The following TMC1 variants were observed in gnomAD, a reference collection of about 807,000 sequenced individuals.
TMC1 encodes transmembrane channel-like protein 1.
In TMC1, 84 loss-of-function variants were observed where a neutral mutation model predicts 105.8. The observed-to-expected ratio is 0.79, with a 90% CI of 0.67 to 0.95. The LOEUF (loss-of-function observed/expected upper bound fraction) is 0.95. Ranked by LOEUF, TMC1 falls within the 40% of genes least tolerant of loss-of-function variation. TMC1 has a pLI of 0.00. For missense variants in TMC1, 817 were observed against 914.1 expected (o/e 0.89, Z 1.37); for synonymous variants, 315 against 311.5 (o/e 1.01, Z -0.12).
At chr9:72,655,203 C>T (rs1339410879) in intron 5 of TMC1, among the ~76,000 whole-genome samples, 1 of 152,180 alleles carries the variant, frequency 6.6e-6, no homozygotes, top group East Asian at 1.9e-4. Context: ...GTGCCTGTTT[C>T]CCCTTCACCT....
At chr9:72,630,500 A>G (rs1372562082) in intron 4 of TMC1, among the ~76,000 whole-genome samples, 1 of 152,212 alleles carries the variant, frequency 6.6e-6, no homozygotes, top group East Asian at 1.9e-4. Flanking sequence ...TATTTACTGC[A>G]GGGTTTCTTC....
chr9:72,607,002 T>TATATAGAGAGAGAGAGAGAGAGAGAGAG (rs372785242), intron 2 of TMC1, among the ~76,000 whole-genome samples: 1 of 134,906 alleles, frequency 7.4e-6, no homozygotes, highest in Non-Finnish European at 1.6e-5. Flanking sequence ...TATATATATA[T>TATATAGAGAGAGAGAGAGAGAGAGAGAG]AGAGAGAGAG....
chr9:72,674,817 TC>T (rs1438522129), intron 5 of TMC1, among the ~76,000 whole-genome samples: 28 of 152,132 alleles, frequency 1.8e-4, no homozygotes, highest in African/African-American at 4.8e-4. Flanking sequence ...AAATTGATGG[TC>T]TTTGTCCATG....
intron 2 of TMC1, among the ~76,000 whole-genome samples, chr9:72,580,638 CA>C (rs1445065701): frequency 6.6e-6 from 1 of 152,152 alleles, no homozygotes; most frequent in Non-Finnish European, 1.5e-5. Context: ...AGTTTGGTCA[CA>C]TTTACTTCAT....
chr9:72,542,968 C>T (rs1046157565), intron 1 of TMC1, among the ~76,000 whole-genome samples: 17 of 152,112 alleles, frequency 1.1e-4, no homozygotes, highest in East Asian at 1.9e-4. Flanking sequence ...TATGAGCCAC[C>T]GCACCCAGCT....
chr9:72,806,339 C>G (rs1341884409), intron 18 of TMC1, among the ~76,000 whole-genome samples: 2 of 121,096 alleles, frequency 1.7e-5, no homozygotes, highest in Non-Finnish European at 3.6e-5. Flanking sequence ...GGCGGCTGGC[C>G]GGGTGGGGGG....
chr9:72,729,700 GA>G (rs1380670663), intron 8 of TMC1, among the ~76,000 whole-genome samples: 1 of 152,154 alleles, frequency 6.6e-6, no homozygotes, highest in Non-Finnish European at 1.5e-5. Context: ...GGGGCAGAAA[GA>G]TGTGATACTT....
chr9:72,690,439 A>G (rs1040946829), intron 6 of TMC1, among the ~76,000 whole-genome samples: 1 of 151,980 alleles, frequency 6.6e-6, no homozygotes, highest in South Asian at 2.1e-4. Context: ...TTATATTTTC[A>G]TGTGATTTTG....
At chr9:72,822,346 G>A (rs772257402) in intron 20 of TMC1, among the ~76,000 whole-genome samples, 6 of 152,156 alleles carry the variant, frequency 3.9e-5, no homozygotes, top group Non-Finnish European at 5.9e-5. Context: ...AAAGTCAAAA[G>A]GTTCATTGCT....
At chr9:72,601,385 T>C (rs1021160038) in intron 2 of TMC1, among the ~76,000 whole-genome samples, 10 of 151,978 alleles carry the variant, frequency 6.6e-5, no homozygotes, top group Non-Finnish European at 1.0e-4. Context: ...GGCTCATGCC[T>C]ATAGTCCCAG....
Position 72,721,374 on chromosome 9 carries a change from C to T in TMC1, c.363-18745C>T, listed in dbSNP as rs970007580. On this transcript the variant is annotated intron_variant, in intron 8 of 23. Transcript: ENST00000297784. ...CCTTTGGAAGCTTAGGGCTGTTTTC[C>T]TCTTTGTCCTGTCACTTCTCTACAA... Among the ~76,000 whole-genome samples the T allele has an allele frequency of 2.0e-5, 3 of 152,268 alleles. No individual in the cohort carries two copies. In the East Asian group the frequency reaches 5.8e-4, roughly 29 times the overall value.
chr9:72,724,863 T>C (rs909116050), intron 8 of TMC1, among the ~76,000 whole-genome samples: 2 of 152,204 alleles, frequency 1.3e-5, no homozygotes, highest in Non-Finnish European at 2.9e-5. Flanking sequence ...CTATCCATGA[T>C]GTTTTTTGGA....
At chr9:72,597,175 T>C (rs1824734715) in intron 2 of TMC1, among the ~76,000 whole-genome samples, 1 of 152,190 alleles carries the variant, frequency 6.6e-6, no homozygotes, top group Non-Finnish European at 1.5e-5. Context: ...TAATGCTGGC[T>C]CTTTAGAGAA....
rs1554710174 is a variant in TMC1, at chr9:72,543,952, CTTTT to C, written c.-428+22053_-428+22056del. On this transcript the variant is annotated intron_variant, in intron 1 of 23. Transcript: ENST00000297784. ...AGTTTCTTTTTCTTTTTCTTTCTTT[CTTTT>C]TTTTTTTTTTTTTGAGATGGAGTCT... Among the ~76,000 whole-genome samples, 4 of 134,342 alleles carry C rather than the reference CTTTT, an allele frequency of 3.0e-5. No individual in the cohort carries two copies. In the Admixed American group the frequency reaches 3.1e-4, roughly 10 times the overall value. The allele number at this position is 134,342 out of a possible 152,430, so 88.1% of individuals were successfully genotyped here.
chr9:72,532,625 G>C lies in TMC1; in HGVS notation c.-428+10712G>C, dbSNP rs1447739695. On this transcript the variant is annotated intron_variant, in intron 1 of 23. Coordinates refer to ENST00000297784, the MANE Select transcript of TMC1 (RefSeq NM_138691.3). The stretch of plus-strand genomic sequence containing the variant: ...TAAAGCCCAGTCATCTTGAAGCCAT[G>C]ATCATGACGCTGTGGAAGAACCGGT... Among the ~76,000 whole-genome samples, 7 of 145,084 alleles carry C rather than the reference G, an allele frequency of 4.8e-5. No individual in the cohort carries two copies. The East Asian group carries it at 1.5e-3, about 30-fold the overall frequency.
chr9:72,578,524 A>G (rs1339713059), intron 2 of TMC1, among the ~76,000 whole-genome samples: 1 of 152,188 alleles, frequency 6.6e-6, no homozygotes, highest in Non-Finnish European at 1.5e-5. Context: ...GCATTTAGAC[A>G]GTGCAGCTTT....
At chr9:72,814,077 A>C (rs1828745038) in intron 18 of TMC1, among the ~76,000 whole-genome samples, 1 of 152,200 alleles carries the variant, frequency 6.6e-6, no homozygotes. Flanking sequence ...TGCTTGTGAG[A>C]GAGTGAAGAA....
At chr9:72,664,777 G>A (rs908730910) in intron 5 of TMC1, among the ~76,000 whole-genome samples, 6 of 152,126 alleles carry the variant, frequency 3.9e-5, no homozygotes, top group African/African-American at 1.2e-4. Flanking sequence ...CATCCTTCAA[G>A]TTCATGTGTG....
intron 2 of TMC1, among the ~76,000 whole-genome samples, chr9:72,602,388 T>G (rs1456746987): frequency 4.1e-5 from 6 of 148,002 alleles, no homozygotes; most frequent in African/African-American, 1.5e-4. Flanking sequence ...TTTTTTTTTT[T>G]TTTTGAGACA....
Sources: gnomAD v4.1 joint callset for allele counts (sites outside exome capture counted in the v4.1 genomes callset) on GRCh38, gnomAD v4.1.1 for gene constraint, MANE v1.5 for transcripts, NCBI Gene and HGNC (gene_info 2026-07-23, HGNC 2026-07-21) for gene names.